Variants in ADARB2 observed in about 807,000 individuals in gnomAD.
The protein encoded by ADARB2 is adenosine deaminase RNA specific B2 (inactive), also known as inactive double-stranded RNA-specific editase B2.
In ADARB2, 25 loss-of-function variants were observed where a neutral mutation model predicts 62.2. The observed-to-expected ratio is 0.40, with a 90% CI of 0.29 to 0.56. The LOEUF (loss-of-function observed/expected upper bound fraction) is 0.56, where lower values mean the gene tolerates loss of function less well. Ranked by LOEUF, ADARB2 falls within the 20% of genes least tolerant of loss-of-function variation. The pLI is 0.43. For missense variants in ADARB2, 1,071 were observed against 1,077.4 expected, an observed-to-expected ratio of 0.99 and a Z score of 0.08; for synonymous variants, 572 against 500.8, an observed-to-expected ratio of 1.14 and a Z score of -1.90.
intron 1 of ADARB2, among the ~76,000 whole-genome samples, chr10:1,431,956 C>T (rs1298759918): frequency 6.6e-6 from 1 of 152,140 alleles, no homozygotes; most frequent in East Asian, 1.9e-4. Context: ...TTTAAAATCT[C>T]CCAGGAAAGA....
intron 8 of ADARB2, among the ~76,000 whole-genome samples, chr10:1,192,149 A>G (rs561247688): frequency 6.0e-4 from 91 of 152,372 alleles, no homozygotes; most frequent in African/African-American, 2.0e-3. Flanking sequence ...TGAGCCTACT[A>G]TATTTACAAG....
intron 1 of ADARB2, among the ~76,000 whole-genome samples, chr10:1,459,722 T>G (rs1831142971): frequency 2.0e-5 from 3 of 152,060 alleles, no homozygotes; most frequent in Admixed American, 2.0e-4. Context: ...GATTGGGCCA[T>G]TACACTCCAG....
In ADARB2 at chr10:1,737,286, G is replaced by A. The variant is rs1835314477; in HGVS notation, c.-136C>T. Reference sequence around the variant, plus strand: ...GGAGCGGCTCACTTTTCAGGACTGAGCAGGAAAGCGCGCTCCGTCTCTCTG... The same window carrying A: ...GGAGCGGCTCACTTTTCAGGACTGAACAGGAAAGCGCGCTCCGTCTCTCTG... On this transcript the variant is annotated 5_prime_UTR_variant, in exon 1 of 10. Transcript: ENST00000381312. The A allele has an allele frequency of 6.6e-6, 5 of 759,010 alleles. No individual in the cohort carries two copies. The Admixed American group carries it at 1.0e-4, about 15-fold the overall frequency. The allele number at this position is 759,010 out of a possible 1,614,324, so 47.0% of individuals were successfully genotyped here. A position where few individuals can be genotyped will look rare whatever the true frequency, so the allele number is the denominator to read the frequency against.
At chr10:1,247,798 T>G (rs967025067) in intron 4 of ADARB2, among the ~76,000 whole-genome samples, 2 of 152,208 alleles carry the variant, frequency 1.3e-5, no homozygotes. Flanking sequence ...AGGGCCCTCA[T>G]ACCTATGGGG....
intron 1 of ADARB2, among the ~76,000 whole-genome samples, chr10:1,716,170 G>A (rs904704289): frequency 6.6e-6 from 1 of 152,176 alleles, no homozygotes; most frequent in Admixed American, 6.5e-5. Context: ...TGCTTACTCA[G>A]TTCTCCCTGT....
At chr10:1,288,824 C>T (rs756657872) in intron 3 of ADARB2, among the ~76,000 whole-genome samples, 7 of 152,138 alleles carry the variant, frequency 4.6e-5, no homozygotes, top group East Asian at 3.9e-4. Context: ...CAGAGGATGC[C>T]GAGGCACTCT....
intron 1 of ADARB2, among the ~76,000 whole-genome samples, chr10:1,620,530 A>G (rs1254973761): frequency 2.4e-5 from 3 of 125,132 alleles, no homozygotes; most frequent in Non-Finnish European, 4.5e-5. Context: ...AAATGGTGTC[A>G]CTGGTGAATT....
intron 1 of ADARB2, among the ~76,000 whole-genome samples, chr10:1,561,759 G>A (rs1000881914): frequency 2.0e-5 from 3 of 152,104 alleles, no homozygotes; most frequent in Admixed American, 6.5e-5. Context: ...CCTCCTGCCC[G>A]AAGACCTTCA....
chr10:1,574,820 G>T (rs1832988293), intron 1 of ADARB2, among the ~76,000 whole-genome samples: 1 of 152,178 alleles, frequency 6.6e-6, no homozygotes, highest in African/African-American at 2.4e-5. Flanking sequence ...GACACATACA[G>T]CCTGGAAGAG....
intron 3 of ADARB2, among the ~76,000 whole-genome samples, chr10:1,334,765 G>A (rs544493024): frequency 3.3e-5 from 5 of 152,216 alleles, no homozygotes; most frequent in Admixed American, 6.5e-5. Flanking sequence ...GGTGTGTAAC[G>A]TCTTTGTGAA....
intron 1 of ADARB2, among the ~76,000 whole-genome samples, chr10:1,631,189 C>T (rs530157914): frequency 6.6e-5 from 10 of 152,216 alleles, no homozygotes; most frequent in South Asian, 2.1e-4. Flanking sequence ...CGTGGGGTCC[C>T]GACGCCATCC....
intron 8 of ADARB2, chr10:1,199,343 A>C (rs1202027646): frequency 6.6e-6 from 1 of 152,206 alleles, no homozygotes; most frequent in Non-Finnish European, 1.5e-5. Context: ...GGGACTCTTC[A>C]TCCTTGCAGC....
intron 1 of ADARB2, among the ~76,000 whole-genome samples, chr10:1,719,277 T>C (rs1050396482): frequency 4.6e-5 from 7 of 152,184 alleles, no homozygotes; most frequent in African/African-American, 1.7e-4. Flanking sequence ...CTTTACCTTC[T>C]ACAATGCCCA....
intron 1 of ADARB2, among the ~76,000 whole-genome samples, chr10:1,394,316 A>C (rs1388534925): frequency 6.6e-6 from 1 of 152,106 alleles, no homozygotes; most frequent in Admixed American, 6.6e-5. Flanking sequence ...TGATCCACTT[A>C]ACGCCATCCA....
chr10:1,207,297 G>A (rs913868340), intron 7 of ADARB2, among the ~76,000 whole-genome samples: 1 of 152,146 alleles, frequency 6.6e-6, no homozygotes. Context: ...AGTGAGCCGG[G>A]ATCACGCCAT....
chr10:1,418,237 T>C (rs2805535), intron 1 of ADARB2, among the ~76,000 whole-genome samples: 41,914 of 152,062 alleles, frequency 0.28, 7,565 homozygotes, highest in East Asian at 0.62. Flanking sequence ...TGTGGGGAAG[T>C]GTCTCCTTAG....
At chr10:1,664,250 G>A (rs180785045) in intron 1 of ADARB2, among the ~76,000 whole-genome samples, 52 of 152,056 alleles carry the variant, frequency 3.4e-4, no homozygotes, top group South Asian at 6.3e-4. Context: ...CTGTGTGCCC[G>A]TGTTTCCATG....
At chr10:1,672,024 G>C (rs572977197) in intron 1 of ADARB2, among the ~76,000 whole-genome samples, 4 of 146,556 alleles carry the variant, frequency 2.7e-5, no homozygotes, top group African/African-American at 7.7e-5. Context: ...CCCCATCCCC[G>C]AGAGTCAGTG....
At chr10:1,476,725 C>T (rs1831405684) in intron 1 of ADARB2, among the ~76,000 whole-genome samples, 1 of 152,172 alleles carries the variant, frequency 6.6e-6, no homozygotes, top group Non-Finnish European at 1.5e-5. Flanking sequence ...GTGGATTTGC[C>T]AAGTGCCAGG....
Sources: allele counts gnomAD v4.1 joint callset (sites outside exome capture counted in the v4.1 genomes callset), GRCh38; gene constraint gnomAD v4.1.1; transcripts MANE v1.5; gene names NCBI Gene and HGNC (gene_info 2026-07-23, HGNC 2026-07-21).